The following ETNPPL variants were observed in gnomAD, a reference collection of about 807,000 sequenced individuals.
ETNPPL encodes the protein ethanolamine-phosphate phospho-lyase, also known as alanine--glyoxylate aminotransferase 2-like 1.
In ETNPPL, 30 loss-of-function variants were observed where a neutral mutation model predicts 55.5. The observed-to-expected ratio is 0.54, with a 90% CI of 0.40 to 0.73. ETNPPL has a LOEUF of 0.73. Among genes scored for constraint, ETNPPL ranks in the 30% least tolerant of loss-of-function variants. ETNPPL has a pLI of 0.00. For missense variants in ETNPPL, 528 were observed against 607.9 expected, an observed-to-expected ratio of 0.87 and a Z score of 1.38; for synonymous variants, 202 against 207.2, an observed-to-expected ratio of 0.98 and a Z score of 0.21.
intron 11 of ETNPPL, among the ~76,000 whole-genome samples, chr4:108,745,147 TAAC>T (rs202210521): frequency 0.011 from 1,730 of 152,242 alleles, 36 homozygotes; most frequent in African/African-American, 0.039. Flanking sequence ...TGTATGTTCA[TAAC>T]AAAAAAATAA....
chr4:108,760,300 T>C lies in ETNPPL; in HGVS notation c.63A>G (p.Ser21=). The stretch of plus-strand genomic sequence containing the variant: ...GATCCGATGCAAAGAAAACTTTGCA[T>C]GAGGGCCTAGAAATAATCAAAGGAA... The part of the protein sequence containing the change: ...LGLRKKHIGP[S]CKVFFASDPI... The change falls in exon 2 of 13, where the codon TCA becomes TCG. Residue 21 remains serine (S), a synonymous_variant. Coordinates refer to ENST00000296486, the MANE Select transcript of ETNPPL (RefSeq NM_031279.4). The C allele has an allele frequency of 6.3e-7, 1 of 1,585,480 alleles. No individual in the cohort carries two copies. Among genetic ancestry groups the C allele is most frequent in the Non-Finnish European group, 8.7e-7 (1 of 1,154,812 alleles).
In ETNPPL at chr4:108,742,403, A is replaced by C. The variant is rs1728258070; in HGVS notation, c.*81T>G. ...TGACAATTCCACCTTTAGAGGTATA[A>C]TAGAGCTATTAACCGATGAGACACA... is the stretch of plus-strand genomic sequence containing the variant. On this transcript the variant is annotated 3_prime_UTR_variant, in exon 13 of 13. Coordinates refer to ENST00000296486, the MANE Select transcript of ETNPPL (RefSeq NM_031279.4). 1.4e-6 allele frequency: 2 copies of C among 1,420,436 alleles called. No homozygotes were observed. Among genetic ancestry groups the C allele is most frequent in the Non-Finnish European group, 2.0e-6 (2 of 1,014,746 alleles). 88.0% of individuals were successfully genotyped at this position (1,420,436 alleles called of 1,614,324 possible). A position where few individuals can be genotyped will look rare whatever the true frequency, so the allele number is the denominator to read the frequency against.
At chr4:108,756,967 G>T (rs4956054) in intron 3 of ETNPPL, among the ~76,000 whole-genome samples, 10,451 of 152,120 alleles carry the variant, frequency 0.069, 902 homozygotes, top group East Asian at 0.48. Flanking sequence ...CTAATATAAG[G>T]TTCCTTAGAT....
Position 108,763,046 on chromosome 4 carries a change from G to A in ETNPPL, c.-148C>T. The A allele has an allele frequency of 1.5e-6, 1 of 676,570 alleles. No homozygotes were observed. Among genetic ancestry groups the A allele is most frequent in the Non-Finnish European group, 2.6e-6 (1 of 387,252 alleles). The allele number at this position is 676,570 out of a possible 1,614,324, so 41.9% of individuals were successfully genotyped here. A position where few individuals can be genotyped will look rare whatever the true frequency, so the allele number is the denominator to read the frequency against. On this transcript the variant is annotated 5_prime_UTR_variant, in exon 1 of 13. Coordinates refer to ENST00000296486, the MANE Select transcript of ETNPPL (RefSeq NM_031279.4). ...CTTGCCCGGGGCGTCGGAGGTCACC[G>A]GTGGCGTCAACTAGCTAGGATCATC...
At chr4:108,751,693 T>G (rs1185443018) in intron 6 of ETNPPL, among the ~76,000 whole-genome samples, 1 of 152,252 alleles carries the variant, frequency 6.6e-6, no homozygotes, top group African/African-American at 2.4e-5. Context: ...AGTAATTGTA[T>G]GACCTTGGGT....
chr4:108,747,462 GTTTA>G (rs1480411641), intron 9 of ETNPPL, among the ~76,000 whole-genome samples: 1 of 150,232 alleles, frequency 6.7e-6, no homozygotes, highest in African/African-American at 2.4e-5. Context: ...ATTGTTGTTG[GTTTA>G]TTTATTTATT....
chr4:108,747,946 A>C (rs1728690414), intron 9 of ETNPPL, 59 bp downstream of exon 9: 3 of 1,436,948 alleles, frequency 2.1e-6, no homozygotes, highest in Non-Finnish European at 2.9e-6. Flanking sequence ...CCCAGCCTAT[A>C]AACTATTATT....
At chr4:108,750,817 A>T (rs1728875071) in intron 7 of ETNPPL, 119 bp downstream of exon 7, 4 of 738,180 alleles carry the variant, frequency 5.4e-6, no homozygotes, top group Non-Finnish European at 7.2e-6. Context: ...GCAGGCACTC[A>T]GGTGTGGCTA....
intron 12 of ETNPPL, among the ~76,000 whole-genome samples, chr4:108,743,234 C>G (rs1421905237): frequency 6.6e-6 from 1 of 152,180 alleles, no homozygotes; most frequent in East Asian, 1.9e-4. Context: ...CCAGGGTGCT[C>G]TTTCTCACAC....
At chr4:108,746,573 C>G (rs779194223) in intron 10 of ETNPPL, 44 bp from the exon 11 acceptor site, 2 of 1,595,048 alleles carry the variant, frequency 1.3e-6, no homozygotes, top group Admixed American at 3.4e-5. Flanking sequence ...CAAAGGATAA[C>G]TACGATTACT....
Position 108,742,335 on chromosome 4 carries a change from T to TTA in ETNPPL, c.*147_*148dup. 1 of 725,752 alleles carries TTA rather than the reference T, an allele frequency of 1.4e-6. No homozygotes were observed. 45.0% of individuals were successfully genotyped at this position (725,752 alleles called of 1,614,324 possible). The stretch of plus-strand genomic sequence containing the variant: ...TGACATGGTTTGATTATCACTTGGT[T>TTA]TATTCTGATTACTCATTTACCTTTT... On this transcript the variant is annotated 3_prime_UTR_variant, in exon 13 of 13. Transcript: ENST00000296486.
intron 3 of ETNPPL, among the ~76,000 whole-genome samples, chr4:108,759,379 C>T (rs932310583): frequency 2.5e-5 from 3 of 118,630 alleles, no homozygotes; most frequent in East Asian, 2.6e-4. Flanking sequence ...CCAGCCTGAG[C>T]GACAGAGCAA....
intron 7 of ETNPPL, among the ~76,000 whole-genome samples, chr4:108,750,509 T>TGTGTGTGTGTGTGTATGA (rs1728846213): frequency 6.6e-6 from 1 of 150,378 alleles, no homozygotes; most frequent in South Asian, 2.1e-4. Context: ...TGTGTGTGTG[T>TGTGTGTGTGTGTGTATGA]GTGTGTGTGT....
At chr4:108,751,349 T>C (rs1342953485) in intron 6 of ETNPPL, among the ~76,000 whole-genome samples, 5 of 152,194 alleles carry the variant, frequency 3.3e-5, no homozygotes, top group Non-Finnish European at 7.3e-5. Flanking sequence ...TAGTCTTTGG[T>C]TATGAACCTG....
At chr4:108,762,701 G>T (rs928787345) in intron 1 of ETNPPL, 142 bp downstream of exon 1, 1 of 1,055,292 alleles carries the variant, frequency 9.5e-7, no homozygotes, top group Non-Finnish European at 1.5e-6. Flanking sequence ...AGGTGGAGGC[G>T]CGCGGGGCGC....
At chr4:108,755,842 A>C (rs1729171514) in intron 4 of ETNPPL, among the ~76,000 whole-genome samples, 1 of 152,176 alleles carries the variant, frequency 6.6e-6, no homozygotes, top group Non-Finnish European at 1.5e-5. Flanking sequence ...ACAAACAAAC[A>C]AACTCTAATA....
chr4:108,755,545 G>A (rs920452922), intron 4 of ETNPPL, among the ~76,000 whole-genome samples: 1 of 152,114 alleles, frequency 6.6e-6, no homozygotes, highest in Non-Finnish European at 1.5e-5. Context: ...GGCTAGCCTC[G>A]GTGGCTCACG....
At chr4:108,758,015 T>G (rs1443938208) in intron 3 of ETNPPL, among the ~76,000 whole-genome samples, 1 of 148,586 alleles carries the variant, frequency 6.7e-6, no homozygotes, top group African/African-American at 2.5e-5. Context: ...TCTTTTTTTT[T>G]TTTTTTTTTT....
intron 2 of ETNPPL, 57 bp from the exon 3 acceptor site, chr4:108,759,965 A>G (rs1161683370): frequency 3.2e-5 from 48 of 1,516,598 alleles, no homozygotes; most frequent in Middle Eastern, 1.7e-4. Context: ...GTGCCTGGGA[A>G]TAAGAGGAAT....
Sources: gnomAD v4.1 joint callset for allele counts (sites outside exome capture counted in the v4.1 genomes callset) on GRCh38, gnomAD v4.1.1 for gene constraint, MANE v1.5 for transcripts, NCBI Gene and HGNC (gene_info 2026-07-23, HGNC 2026-07-21) for gene names.